The following DENND4C variants were observed in gnomAD, a reference collection of about 807,000 sequenced individuals.
DENND4C encodes the protein DENN domain containing 4C.
In DENND4C, 108 loss-of-function variants were observed where a neutral mutation model predicts 203.0. The observed-to-expected ratio is 0.53, with a 90% confidence interval of 0.46 to 0.62. DENND4C has a LOEUF of 0.62. Among genes scored for constraint, DENND4C ranks in the 20% least tolerant of loss-of-function variants. DENND4C has a pLI of 0.00. For missense variants in DENND4C, 2,481 were observed against 2,301.2 expected (o/e 1.08, Z -1.60); for synonymous variants, 871 against 792.4 (o/e 1.10, Z -1.67).
intron 30 of DENND4C, among the ~76,000 whole-genome samples, chr9:19,368,368 A>G (rs1462266819): frequency 6.6e-6 from 1 of 151,838 alleles, no homozygotes; most frequent in African/African-American, 2.4e-5. Context: ...GAAAAAGACA[A>G]TCCGCCTGCC....
chr9:19,310,617 A>G (rs1295038264), intron 10 of DENND4C, among the ~76,000 whole-genome samples: 3 of 152,222 alleles, frequency 2.0e-5, no homozygotes, highest in Non-Finnish European at 2.9e-5. Context: ...TAAGGAATTT[A>G]CCTTCTACTT....
intron 24 of DENND4C, 33 bp downstream of exon 24, chr9:19,350,912 T>A: frequency 1.9e-6 from 3 of 1,549,452 alleles, no homozygotes; most frequent in Non-Finnish European, 2.6e-6. Flanking sequence ...CTTCATTTGC[T>A]TTATAATAGT....
intron 18 of DENND4C, among the ~76,000 whole-genome samples, chr9:19,335,545 C>G (rs1820259608): frequency 6.6e-6 from 1 of 152,106 alleles, no homozygotes; most frequent in African/African-American, 2.4e-5. Flanking sequence ...AACCATACTT[C>G]TAGTCTCTGC....
At chr9:19,298,766 A>G (rs1005812277) in intron 7 of DENND4C, among the ~76,000 whole-genome samples, 1 of 152,132 alleles carries the variant, frequency 6.6e-6, no homozygotes, top group East Asian at 1.9e-4. Context: ...GCACTGATCT[A>G]TAGAGGGAAG....
chr9:19,328,393 A>G (rs1194389692), intron 16 of DENND4C, among the ~76,000 whole-genome samples: 2 of 152,174 alleles, frequency 1.3e-5, no homozygotes, highest in Non-Finnish European at 2.9e-5. Context: ...TGAGCAGATC[A>G]CTTGAGGTCA....
intron 20 of DENND4C, among the ~76,000 whole-genome samples, chr9:19,338,009 C>T (rs546617119): frequency 6.6e-6 from 1 of 152,230 alleles, no homozygotes; most frequent in South Asian, 2.1e-4. Flanking sequence ...CATTGCTTTC[C>T]AAAACTTATC....
intron 20 of DENND4C, among the ~76,000 whole-genome samples, chr9:19,338,472 C>T (rs1820957190): frequency 6.6e-6 from 1 of 152,020 alleles, no homozygotes; most frequent in South Asian, 2.1e-4. Context: ...TTCAGGTCCC[C>T]CTTATATATA....
chr9:19,276,054 A>G, intron 1 of DENND4C, 104 bp from the exon 2 acceptor site: 1 of 523,128 alleles, frequency 1.9e-6, no homozygotes, highest in Non-Finnish European at 2.9e-6. Context: ...TTATAAATCT[A>G]GCTGGGAAGT....
At position 19,369,774 on chromosome 9, in the gene DENND4C, A is replaced by AT. The variant is rs1242001387; in HGVS notation, c.5525-63_5525-62insT. Reference sequence around the variant, plus strand: ...AGAGTGAGATGTTGTCTCAAAAAAAAAAAAATAATAATAATAATAATAGTA... The same window carrying AT: ...AGAGTGAGATGTTGTCTCAAAAAAAATAAAAATAATAATAATAATAATAGTA... On this transcript the variant is annotated intron_variant, in intron 30 of 32. Transcript: ENST00000434457. 2.1e-5 allele frequency: 22 copies of AT among 1,024,510 alleles called. No homozygotes were observed. The African/African-American group carries it at 3.0e-4, about 14-fold the overall frequency. 63.5% of individuals were successfully genotyped at this position (1,024,510 alleles called of 1,614,324 possible).
chr9:19,327,077 A>AATGTATCTGGGATTGAATGGCTTGATT (rs1423605202), intron 15 of DENND4C, among the ~76,000 whole-genome samples: 1 of 152,100 alleles, frequency 6.6e-6, no homozygotes. Context: ...CAGAATGAGG[A>AATGTATCTGGGATTGAATGGCTTGATT]ATGTATCTGG....
chr9:19,323,004 C>T (rs1215945607), intron 12 of DENND4C, among the ~76,000 whole-genome samples: 1 of 152,036 alleles, frequency 6.6e-6, no homozygotes, highest in African/African-American at 2.4e-5. Flanking sequence ...CATAGGATCA[C>T]TGAAAATCAA....
At chr9:19,328,824 G>A (rs1270821016) in intron 16 of DENND4C, among the ~76,000 whole-genome samples, 1 of 150,806 alleles carries the variant, frequency 6.6e-6, no homozygotes, top group African/African-American at 2.4e-5. Context: ...CGAGGCAGGT[G>A]GATCACCTGA....
chr9:19,342,124 CAAAAA>C (rs34191941), intron 21 of DENND4C, among the ~76,000 whole-genome samples: 1 of 61,882 alleles, frequency 1.6e-5, no homozygotes, highest in African/African-American at 5.6e-5. Context: ...GACTCCATCT[CAAAAA>C]AAAAAAAAAA....
intron 30 of DENND4C, among the ~76,000 whole-genome samples, chr9:19,364,198 G>T (rs1312614845): frequency 7.2e-6 from 1 of 138,054 alleles, no homozygotes; most frequent in African/African-American, 2.7e-5. Context: ...TGTCTGTTAA[G>T]AAAAAAAAAA....
At chr9:19,245,848 TCC>T (rs1457703455) in intron 1 of DENND4C, among the ~76,000 whole-genome samples, 71 of 117,296 alleles carry the variant, frequency 6.1e-4, no homozygotes, top group African/African-American at 1.9e-3. Flanking sequence ...AGAGCGAGAC[TCC>T]GTCTCAAAAA....
At chr9:19,253,986 C>T (rs148795211) in intron 1 of DENND4C, among the ~76,000 whole-genome samples, 260 of 152,228 alleles carry the variant, frequency 1.7e-3, no homozygotes, top group Middle Eastern at 6.8e-3. Flanking sequence ...ACAAAAAATA[C>T]AAAAATTATA....
At position 19,346,930 on chromosome 9, in the gene DENND4C, G is replaced by T; in HGVS notation, c.4161G>T (p.Leu1387Phe). Residue 1387 changes from leucine (L) to phenylalanine (F), a missense_variant, in exon 23 of 33, where the codon TTG (leucine) becomes TTT (phenylalanine). Physicochemically the swap from Leu to Phe is conservative, Grantham distance 22 (BLOSUM62 0). Coordinates refer to ENST00000434457, the MANE Select transcript of DENND4C (RefSeq NM_001330640.2). ...ALVRSSPHGS[L>F]GSVVNSLSGL... ...TGCGTTCTTCGCCACATGGCTCGTT[G>T]GGTTCTGTAGTAAATTCTTTGTCAG... is the stretch of plus-strand genomic sequence containing the variant. 1 of 1,614,138 alleles carries T rather than the reference G, an allele frequency of 6.2e-7. No individual in the cohort carries two copies. Among genetic ancestry groups the T allele is most frequent in the South Asian group, 1.1e-5 (1 of 91,078 alleles).
At position 19,348,334 on chromosome 9, in the gene DENND4C, T is replaced by C. The variant is rs543194006; in HGVS notation, c.4317+1248T>C. Among the ~76,000 whole-genome samples the C allele has an allele frequency of 4.6e-5, 7 of 152,206 alleles. No individual in the cohort carries two copies. The South Asian group carries it at 1.2e-3, about 27-fold the overall frequency. ...ATGCTCTTACCTTAGAAGCGATATC[T>C]CAGGAGAAGATACCAAAGAGCAATA... On this transcript the variant is annotated intron_variant, in intron 23 of 32. Coordinates refer to ENST00000434457, the MANE Select transcript of DENND4C (RefSeq NM_001330640.2).
At chr9:19,337,009 A>C (rs1820630846) in intron 20 of DENND4C, among the ~76,000 whole-genome samples, 177 bp downstream of exon 20, 1 of 152,210 alleles carries the variant, frequency 6.6e-6, no homozygotes, top group Non-Finnish European at 1.5e-5. Flanking sequence ...CTATAGTACA[A>C]AATTAGTATG....
Sources: gnomAD v4.1 joint callset for allele counts (sites outside exome capture counted in the v4.1 genomes callset) on GRCh38, gnomAD v4.1.1 for gene constraint, MANE v1.5 for transcripts, NCBI Gene and HGNC (gene_info 2026-07-23, HGNC 2026-07-21) for gene names.